UBXN2B: variants seen among roughly 807,000 people sequenced by gnomAD.
UBXN2B encodes the protein UBX domain-containing protein 2B.
A neutral mutation model predicts 37.5 loss-of-function variants in UBXN2B; 19 were observed. That is an observed-to-expected ratio of 0.51 (90% CI 0.35 to 0.74). The LOEUF (loss-of-function observed/expected upper bound fraction) is 0.74, where lower values mean the gene tolerates loss of function less well. Ranked by LOEUF, UBXN2B falls within the 30% of genes least tolerant of loss-of-function variation. The pLI is 0.01. For synonymous variants in UBXN2B, 145 were observed against 143.8 expected, an observed-to-expected ratio of 1.01 and a Z score of -0.06; for missense variants, 370 against 393.2, an observed-to-expected ratio of 0.94 and a Z score of 0.50.
intron 1 of UBXN2B, 42 bp from the exon 2 acceptor site, chr8:58,416,808 A>G: frequency 6.4e-7 from 1 of 1,555,400 alleles, no homozygotes; most frequent in Non-Finnish European, 8.8e-7. Flanking sequence ...GGAAGAGGTT[A>G]TTCCTAGTGT....
chr8:58,411,547 C>T, intron 1 of UBXN2B, 78 bp downstream of exon 1: 2 of 1,126,964 alleles, frequency 1.8e-6, no homozygotes, highest in Non-Finnish European at 2.3e-6. Flanking sequence ...GAGTTGGAGG[C>T]CACCTCTGGC....
At chr8:58,414,341 C>T (rs1045997398) in intron 1 of UBXN2B, among the ~76,000 whole-genome samples, 2 of 152,146 alleles carry the variant, frequency 1.3e-5, no homozygotes, top group Admixed American at 6.5e-5. Context: ...GTATAATAAT[C>T]ATTTATTACA....
At chr8:58,437,793 G>C (rs1434314281) in intron 5 of UBXN2B, among the ~76,000 whole-genome samples, 1 of 152,228 alleles carries the variant, frequency 6.6e-6, no homozygotes, top group African/African-American at 2.4e-5. Context: ...CTATGTAGTA[G>C]AGAAGGAGAA....
chr8:58,437,556 C>T (rs1162254992), intron 5 of UBXN2B, among the ~76,000 whole-genome samples: 1 of 151,936 alleles, frequency 6.6e-6, no homozygotes, highest in East Asian at 1.9e-4. Context: ...AACCCCTGAC[C>T]TTATGATCCA....
chr8:58,445,121 T>C (rs1426618000), intron 6 of UBXN2B, among the ~76,000 whole-genome samples: 7 of 152,216 alleles, frequency 4.6e-5, no homozygotes, highest in Non-Finnish European at 1.0e-4. Flanking sequence ...ATTTGAATTA[T>C]TTAACCAAAA....
intron 2 of UBXN2B, chr8:58,426,628 G>T: frequency 2.7e-6 from 2 of 745,154 alleles, no homozygotes; most frequent in Non-Finnish European, 5.0e-6. Context: ...CTTATCAACA[G>T]TGGGTTTTCT....
intron 7 of UBXN2B, among the ~76,000 whole-genome samples, chr8:58,446,779 A>ACTTT (rs1808682324): frequency 5.8e-5 from 1 of 17,386 alleles, no homozygotes; most frequent in African/African-American, 2.2e-4. Context: ...TACAACCTGC[A>ACTTT]TTTTTTTTTT....
At chr8:58,425,139 C>T in intron 2 of UBXN2B, 1 of 831,146 alleles carries the variant, frequency 1.2e-6, no homozygotes. Context: ...CCATTCTCTC[C>T]ATATTCCCTT....
chr8:58,440,815 C>A (rs1253135890), intron 6 of UBXN2B, among the ~76,000 whole-genome samples: 2 of 152,136 alleles, frequency 1.3e-5, no homozygotes, highest in Non-Finnish European at 2.9e-5. Flanking sequence ...TTTGCTATCT[C>A]TAGTCTCCCT....
intron 6 of UBXN2B, among the ~76,000 whole-genome samples, chr8:58,443,074 C>T (rs1808588110): frequency 6.6e-6 from 1 of 152,216 alleles, no homozygotes; most frequent in African/African-American, 2.4e-5. Context: ...CTCAGCTGTG[C>T]TGAGCAGGCA....
chr8:58,425,018 C>G, intron 2 of UBXN2B: 1 of 782,608 alleles, frequency 1.3e-6, no homozygotes, highest in Non-Finnish European at 2.4e-6. Flanking sequence ...ACTGGCCTTG[C>G]ATGCATGATG....
chr8:58,446,779 A>ATTATTTTTTTTTTT (rs1808682530), intron 7 of UBXN2B, among the ~76,000 whole-genome samples: 1 of 17,386 alleles, frequency 5.8e-5, no homozygotes, highest in Non-Finnish European at 1.0e-4. Context: ...TACAACCTGC[A>ATTATTTTTTTTTTT]TTTTTTTTTT....
At chr8:58,421,646 TA>T (rs968218554) in intron 2 of UBXN2B, among the ~76,000 whole-genome samples, 3 of 152,224 alleles carry the variant, frequency 2.0e-5, no homozygotes, top group African/African-American at 7.2e-5. Context: ...TTTGGAACTT[TA>T]ATTTCCACAC....
chr8:58,443,467 A>G (rs1808598112), intron 6 of UBXN2B, among the ~76,000 whole-genome samples: 1 of 152,042 alleles, frequency 6.6e-6, no homozygotes, highest in Admixed American at 6.6e-5. Context: ...TAAATAGCAA[A>G]CAGATGTGAT....
chr8:58,446,807 TTTTTTTTTG>T (rs1808686429), intron 7 of UBXN2B, among the ~76,000 whole-genome samples: 1 of 99,484 alleles, frequency 1.0e-5, no homozygotes, highest in African/African-American at 3.6e-5. Flanking sequence ...TTTTTTTTTT[TTTTTTTTTG>T]AGACAGAGTC....
At position 58,416,919 on chromosome 8, in the gene UBXN2B, A is replaced by G. The variant is rs777372989; in HGVS notation, c.154A>G (p.Thr52Ala). 7 of 1,611,976 alleles carry G rather than the reference A, an allele frequency of 4.3e-6. No individual in the cohort carries two copies. Among genetic ancestry groups the G allele is most frequent in the Non-Finnish European group, 5.9e-6 (7 of 1,178,594 alleles). Reference protein sequence around the residue: ...KSSKSNRPKATVFKSPRTPPQ... With the variant: ...KSSKSNRPKAAVFKSPRTPPQ... ...TTCCAAGTCTAATAGACCTAAAGCC[A>G]CAGTCTTCAAGAGCCCACGGACACC... Residue 52 changes from threonine (T) to alanine (A), a missense_variant, in exon 2 of 8, where the codon ACA becomes GCA. Around this residue, in one of 3 missense-constraint regions of UBXN2B, gnomAD observed 197 missense variants for 170.2 expected, o/e 1.16. Transcript: ENST00000399598.
At chr8:58,444,173 T>C (rs1808616835) in intron 6 of UBXN2B, among the ~76,000 whole-genome samples, 1 of 152,184 alleles carries the variant, frequency 6.6e-6, no homozygotes, top group Non-Finnish European at 1.5e-5. Context: ...ACTTGGTGTG[T>C]AGAAAGAGCC....
At chr8:58,415,238 G>A (rs1401965611) in intron 1 of UBXN2B, among the ~76,000 whole-genome samples, 1 of 152,048 alleles carries the variant, frequency 6.6e-6, no homozygotes, top group Non-Finnish European at 1.5e-5. Context: ...AAGGAGAGCT[G>A]AAATGGGCCT....
chr8:58,418,773 C>G (rs1807848856), intron 2 of UBXN2B, among the ~76,000 whole-genome samples: 1 of 152,156 alleles, frequency 6.6e-6, no homozygotes, highest in Admixed American at 6.6e-5. Context: ...TTAATTCTTA[C>G]CTTTATACAT....
Sources: allele counts gnomAD v4.1 joint callset (sites outside exome capture counted in the v4.1 genomes callset), GRCh38; gene constraint gnomAD v4.1.1; regional missense constraint gnomAD v4.1.1; transcripts MANE v1.5; gene names NCBI Gene and HGNC (gene_info 2026-07-23, HGNC 2026-07-21).